Variants in CYP4X1 observed in about 807,000 individuals in gnomAD.
The protein encoded by CYP4X1 is cytochrome P450 family 4 subfamily X member 1.
CYP4X1 carries 44 observed loss-of-function variants against 57.9 expected under a neutral mutation model. The observed-to-expected ratio is 0.76, with a 90% CI of 0.60 to 0.98. The LOEUF is 0.98. Ranked by LOEUF, CYP4X1 falls within the 50% of genes least tolerant of loss-of-function variation. The pLI, the probability that CYP4X1 is intolerant of heterozygous loss-of-function variation, is 0.00. For synonymous variants in CYP4X1, 227 were observed against 228.6 expected, an observed-to-expected ratio of 0.99 and a Z score of 0.06; for missense variants, 532 against 623.9, an observed-to-expected ratio of 0.85 and a Z score of 1.57.
At chr1:47,007,368 T>G in the CYP4X1 span, among the ~76,000 whole-genome samples, 10 of 152,226 alleles carry the variant, frequency 6.6e-5, no homozygotes, top group African/African-American at 2.4e-4. Flanking sequence ...CTGAGGGTCC[T>G]GACTGTTAGA....
Position 47,049,981 on chromosome 1 carries a change from C to T in CYP4X1, c.1356-19C>T. On this transcript the variant is annotated intron_variant, in intron 11 of 11. Coordinates refer to ENST00000371901, the MANE Select transcript of CYP4X1 (RefSeq NM_178033.2). ...ACATCATTTTTTCAAGTATCACTTT[C>T]TTTCCCTCTTGTCTTCAGGAACTGC... 1 of 1,608,076 alleles carries T rather than the reference C, an allele frequency of 6.2e-7. No individual in the cohort carries two copies. The highest frequency in any genetic ancestry group is 1.7e-5 in the Admixed American group (1 of 59,014).
At chr1:47,042,953 C>G (rs1276424238) in intron 8 of CYP4X1, among the ~76,000 whole-genome samples, 2 of 152,100 alleles carry the variant, frequency 1.3e-5, no homozygotes, top group African/African-American at 4.8e-5. Context: ...AATGACTTCT[C>G]TTCCTCTGGG....
chr1:47,040,483 C>T (rs1040371432), intron 8 of CYP4X1, among the ~76,000 whole-genome samples: 2 of 152,096 alleles, frequency 1.3e-5, no homozygotes, highest in African/African-American at 4.8e-5. Flanking sequence ...ATGCAAAAGT[C>T]AACTCAATTG....
At chr1:46,973,075 T>C in the CYP4X1 span, among the ~76,000 whole-genome samples, 1 of 152,110 alleles carries the variant, frequency 6.6e-6, no homozygotes, top group African/African-American at 2.4e-5. Flanking sequence ...GGTTTGTCCA[T>C]ATATAGCTCT....
chr1:46,963,361 C>T, the CYP4X1 span, among the ~76,000 whole-genome samples: 1 of 151,746 alleles, frequency 6.6e-6, no homozygotes, highest in Non-Finnish European at 1.5e-5. Context: ...ATGGTCTTTA[C>T]AATCTGGCAT....
chr1:46,967,903 C>T, the CYP4X1 span: 4 of 647,096 alleles, frequency 6.2e-6, no homozygotes, highest in East Asian at 1.3e-4. Context: ...GATAAGAGGC[C>T]TCAGTCCCCA....
downstream of CYP4X1, among the ~76,000 whole-genome samples, chr1:47,052,937 CTTTAAG>C (rs569206645): frequency 6.4e-4 from 97 of 152,050 alleles, 1 homozygote; most frequent in Admixed American, 1.1e-3. Flanking sequence ...TATTATTACA[CTTTAAG>C]TTTTAGGGTA....
At chr1:47,036,254 A>G in intron 6 of CYP4X1, 83 bp downstream of exon 6, 1 of 1,412,888 alleles carries the variant, frequency 7.1e-7, no homozygotes, top group Non-Finnish European at 9.3e-7. Flanking sequence ...CCTTAATATG[A>G]CAAGAGAAAG....
chr1:47,003,353 G>A, the CYP4X1 span, among the ~76,000 whole-genome samples: 1 of 152,154 alleles, frequency 6.6e-6, no homozygotes, highest in Non-Finnish European at 1.5e-5. Flanking sequence ...GCCAGAAATT[G>A]TCCCCATATT....
At chr1:47,007,162 C>A in the CYP4X1 span, among the ~76,000 whole-genome samples, 4 of 152,226 alleles carry the variant, frequency 2.6e-5, no homozygotes, top group African/African-American at 4.8e-5. Context: ...AGTAGCCTAA[C>A]TGGGAGGCAC....
At chr1:46,978,882 A>T in the CYP4X1 span, among the ~76,000 whole-genome samples, 1 of 152,222 alleles carries the variant, frequency 6.6e-6, no homozygotes, top group Non-Finnish European at 1.5e-5. Flanking sequence ...ACTACTGGGT[A>T]CATAACGAAA....
chr1:47,038,977 G>A (rs537407619), intron 7 of CYP4X1, among the ~76,000 whole-genome samples: 50 of 152,230 alleles, frequency 3.3e-4, no homozygotes, highest in East Asian at 1.2e-3. Flanking sequence ...CTAAACGAAC[G>A]ATTTGACAAG....
chr1:46,971,436 C>T, the CYP4X1 span, among the ~76,000 whole-genome samples: 5 of 152,114 alleles, frequency 3.3e-5, no homozygotes, highest in African/African-American at 1.2e-4. Context: ...TGGGTATATA[C>T]CAGTAATGGG....
chr1:47,035,339 C>G (rs1644169719), intron 4 of CYP4X1, among the ~76,000 whole-genome samples: 1 of 152,014 alleles, frequency 6.6e-6, no homozygotes, highest in South Asian at 2.1e-4. Context: ...CTCTGTTTCT[C>G]ACTTTTGAAT....
At chr1:46,984,697 C>T in the CYP4X1 span, among the ~76,000 whole-genome samples, 3 of 152,176 alleles carry the variant, frequency 2.0e-5, no homozygotes, top group Admixed American at 6.5e-5. Context: ...GCTTTTCCCA[C>T]GGTCTTCGCA....
At chr1:47,022,161 G>A (rs1168772454), upstream of CYP4X1, among the ~76,000 whole-genome samples, 1 of 152,036 alleles carries the variant, frequency 6.6e-6, no homozygotes, top group African/African-American at 2.4e-5. Flanking sequence ...GTTGGAGTTA[G>A]GTAGGAGGTA....
At chr1:47,026,638 A>G (rs986118369) in intron 1 of CYP4X1, among the ~76,000 whole-genome samples, 21 of 152,116 alleles carry the variant, frequency 1.4e-4, no homozygotes, top group Non-Finnish European at 2.2e-4. Flanking sequence ...GATTATTGCC[A>G]TCTTAAGAAT....
the CYP4X1 span, among the ~76,000 whole-genome samples, chr1:46,965,599 C>G: frequency 1.3e-5 from 2 of 152,248 alleles, no homozygotes; most frequent in Admixed American, 1.3e-4. Context: ...TCTGGAAGCT[C>G]TGTCCCAGCG....
the CYP4X1 span, among the ~76,000 whole-genome samples, chr1:46,978,027 G>C: frequency 2.6e-5 from 4 of 152,064 alleles, no homozygotes; most frequent in Admixed American, 1.3e-4. Context: ...AAACATGCCA[G>C]ATTGTAAAGA....
Sources: allele counts gnomAD v4.1 joint callset (sites outside exome capture counted in the v4.1 genomes callset), GRCh38; gene constraint gnomAD v4.1.1; transcripts MANE v1.5; gene names NCBI Gene and HGNC (gene_info 2026-07-23, HGNC 2026-07-21).